Variants in ST3GAL5 observed in about 807,000 individuals in gnomAD.
ST3GAL5 encodes the protein lactosylceramide alpha-2,3-sialyltransferase.
In ST3GAL5, 25 loss-of-function variants were observed where a neutral mutation model predicts 46.1. The observed-to-expected ratio is 0.54, with a 90% CI of 0.40 to 0.76. The LOEUF is 0.76. Ranked by LOEUF, ST3GAL5 falls within the 30% of genes least tolerant of loss-of-function variation. ST3GAL5 has a pLI of 0.00. For missense variants in ST3GAL5, 431 were observed against 521.2 expected, an observed-to-expected ratio of 0.83 and a Z score of 1.69; for synonymous variants, 182 against 192.7, an observed-to-expected ratio of 0.94 and a Z score of 0.46.
intron 1 of ST3GAL5, among the ~76,000 whole-genome samples, chr2:85,879,735 G>A (rs939331866): frequency 2.0e-5 from 3 of 152,138 alleles, no homozygotes; most frequent in African/African-American, 7.2e-5. Context: ...TACTTAACAG[G>A]AGAAAGTGAA....
chr2:85,876,367 C>T (rs1320310754), intron 1 of ST3GAL5, among the ~76,000 whole-genome samples: 1 of 151,924 alleles, frequency 6.6e-6, no homozygotes, highest in Non-Finnish European at 1.5e-5. Flanking sequence ...ATAGCAGTGG[C>T]AATGGGTGGT....
chr2:85,888,069 G>T (rs1335924905), intron 1 of ST3GAL5: 1 of 152,058 alleles, frequency 6.6e-6, no homozygotes, highest in Non-Finnish European at 1.5e-5. Flanking sequence ...AAAACCCGGG[G>T]CCTGGAAGGG....
In ST3GAL5 at chr2:85,837,448, T is replaced by C. The variant is rs1184055668; in HGVS notation, c.*2696A>G. The C allele has an allele frequency of 6.6e-6, 1 of 151,906 alleles. No homozygotes were observed. The highest frequency in any genetic ancestry group is 1.5e-5 in the Non-Finnish European group (1 of 67,984). 9.4% of individuals were successfully genotyped at this position (151,906 alleles called of 1,614,324 possible). On this transcript the variant is annotated 3_prime_UTR_variant, in exon 7 of 7. Transcript: ENST00000638572. ...AGAGGCCAAGAAGGGTAGGGGGAAATGAAGAGAGGTTGATTAATGGGTACA... is the reference window on the plus strand; with the variant it reads ...AGAGGCCAAGAAGGGTAGGGGGAAACGAAGAGAGGTTGATTAATGGGTACA...
chr2:85,857,321 G>A (rs575472782), intron 3 of ST3GAL5, among the ~76,000 whole-genome samples: 48 of 151,962 alleles, frequency 3.2e-4, no homozygotes, highest in African/African-American at 1.1e-3. Flanking sequence ...TGGATCACCC[G>A]AGGTCAGGGG....
At chr2:85,874,638 C>T (rs1364045444) in intron 1 of ST3GAL5, among the ~76,000 whole-genome samples, 1 of 152,060 alleles carries the variant, frequency 6.6e-6, no homozygotes, top group East Asian at 1.9e-4. Flanking sequence ...TTTGCCTATT[C>T]TCTGCTCTCC....
rs1224306338 is a variant in ST3GAL5, at chr2:85,842,592, CA to C, written c.1008+1803del. Among the ~76,000 whole-genome samples, 7 of 152,170 alleles carry C rather than the reference CA, an allele frequency of 4.6e-5. No individual in the cohort carries two copies. In the East Asian group the frequency reaches 1.4e-3, roughly 29 times the overall value. ...ATCCAAAAGAAAAATGCCATTTTAT[CA>C]ATTATAAAAATAGGAAAATATTCAG... On this transcript the variant is annotated intron_variant, in intron 6 of 6. Transcript: ENST00000638572.
intron 3 of ST3GAL5, chr2:85,851,497 G>A: frequency 3.1e-6 from 4 of 1,284,322 alleles, no homozygotes; most frequent in Non-Finnish European, 4.1e-6. Flanking sequence ...CATGGGCCAT[G>A]TCCTCCACTC....
intron 3 of ST3GAL5, chr2:85,854,771 A>G (rs1468692237): frequency 1.3e-5 from 2 of 152,236 alleles, no homozygotes; most frequent in African/African-American, 2.4e-5. Context: ...CTGTCTCCCA[A>G]GACCTGGCCT....
At chr2:85,847,333 C>T (rs955557056) in intron 4 of ST3GAL5, 13 of 989,616 alleles carry the variant, frequency 1.3e-5, no homozygotes, top group African/African-American at 1.7e-5. Context: ...TTACTTGAAT[C>T]TACCCACCTT....
intron 3 of ST3GAL5, chr2:85,851,380 G>A (rs891839349): frequency 4.2e-5 from 50 of 1,180,090 alleles, no homozygotes; most frequent in Non-Finnish European, 5.1e-5. Flanking sequence ...GTCCTCTTTT[G>A]TTTCAACTCG....
intron 3 of ST3GAL5, chr2:85,860,809 G>T (rs1466022205): frequency 7.1e-6 from 2 of 282,322 alleles, no homozygotes; most frequent in Admixed American, 9.8e-5. Context: ...ACTCAACCCT[G>T]GGTGCAGAGC....
At chr2:85,887,945 A>G (rs994896613) in intron 1 of ST3GAL5, 18 of 152,250 alleles carry the variant, frequency 1.2e-4, no homozygotes, top group Non-Finnish European at 2.4e-4. Context: ...ATGCCTAATT[A>G]AGCAAAAGCC....
At chr2:85,853,299 T>TA in intron 3 of ST3GAL5, 1 of 334,752 alleles carries the variant, frequency 3.0e-6, no homozygotes, top group Non-Finnish European at 5.9e-6. Context: ...GGGACATATT[T>TA]AAATAGAAAA....
intron 3 of ST3GAL5, 30 bp from the exon 4 acceptor site, chr2:85,848,234 TA>T (rs1187143889): frequency 1.9e-6 from 3 of 1,613,788 alleles, no homozygotes; most frequent in Non-Finnish European, 2.5e-6. Context: ...ATCTGGGTTT[TA>T]AAAACTCTCC....
intron 3 of ST3GAL5, chr2:85,851,534 T>C: frequency 7.8e-7 from 1 of 1,289,350 alleles, no homozygotes; most frequent in Non-Finnish European, 1.0e-6. Context: ...CTTGCTTCAA[T>C]GGTGCACAAC....
intron 3 of ST3GAL5, among the ~76,000 whole-genome samples, chr2:85,859,103 T>G (rs1310247058): frequency 6.6e-6 from 1 of 152,090 alleles, no homozygotes; most frequent in Non-Finnish European, 1.5e-5. Context: ...TCCCCCAGGG[T>G]ATTACTAAAA....
chr2:85,861,127 T>G lies in ST3GAL5; in HGVS notation c.318+54A>C, dbSNP rs1054895672. 3.4e-6 allele frequency: 4 copies of G among 1,163,686 alleles called. No individual in the cohort carries two copies. The African/African-American group carries it at 4.5e-5, about 13-fold the overall frequency. The allele number at this position is 1,163,686 out of a possible 1,614,324, so 72.1% of individuals were successfully genotyped here. On this transcript the variant is annotated intron_variant, in intron 3 of 6. Coordinates refer to ENST00000638572, the MANE Select transcript of ST3GAL5 (RefSeq NM_003896.4). ...ACAGTAGACTAATGATATTATAGTT[T>G]GAGCATATGCTTGGCAATGTTTTCA... is the stretch of plus-strand genomic sequence containing the variant.
At chr2:85,858,602 C>T (rs1051245076) in intron 3 of ST3GAL5, among the ~76,000 whole-genome samples, 3 of 152,230 alleles carry the variant, frequency 2.0e-5, no homozygotes, top group East Asian at 1.9e-4. Flanking sequence ...CGCCATCACA[C>T]CCGGTCAGAC....
At position 85,840,086 on chromosome 2, in the gene ST3GAL5, G is replaced by A; in HGVS notation, c.*58C>T. The A allele has an allele frequency of 6.2e-7, 1 of 1,612,390 alleles. No individual in the cohort carries two copies. Among genetic ancestry groups the A allele is most frequent in the East Asian group, 2.2e-5 (1 of 44,870 alleles). ...GCAGGATGGAGAAATACATCAAGAA[G>A]GCTGTCAAAAACAGCTCTCAGAGTT... is the stretch of plus-strand genomic sequence containing the variant. On this transcript the variant is annotated 3_prime_UTR_variant, in exon 7 of 7. Transcript: ENST00000638572.
Sources: gnomAD v4.1 joint callset for allele counts (sites outside exome capture counted in the v4.1 genomes callset) on GRCh38, gnomAD v4.1.1 for gene constraint, MANE v1.5 for transcripts, NCBI Gene and HGNC (gene_info 2026-07-23, HGNC 2026-07-21) for gene names.